PARD3: variants seen among roughly 807,000 people sequenced by gnomAD.
PARD3 encodes partitioning defective 3 homolog.
PARD3 carries 75 observed loss-of-function variants against 155.4 expected under a neutral mutation model. The ratio of observed to expected loss-of-function variants is 0.48; its 90% confidence interval spans 0.40 to 0.58. PARD3 has a LOEUF of 0.58. PARD3 is among the 20% of genes least tolerant of loss of function. The probability of loss-of-function intolerance (pLI) is 0.00; values close to 1 mark genes in which losing one functional copy is unlikely to be tolerated. For missense variants in PARD3, 1,642 were observed against 1,721.7 expected (o/e 0.95, Z 0.82); for synonymous variants, 576 against 610.5 (o/e 0.94, Z 0.83).
intron 1 of PARD3, among the ~76,000 whole-genome samples, chr10:34,720,798 C>CAA (rs377520129): frequency 8.3e-5 from 12 of 144,700 alleles, no homozygotes; most frequent in Middle Eastern, 3.5e-3. Context: ...ACTCTGTCTC[C>CAA]AAAAAAAAAA....
intron 21 of PARD3, among the ~76,000 whole-genome samples, chr10:34,278,715 C>A (rs1956010359): frequency 6.6e-6 from 1 of 152,144 alleles, no homozygotes. Context: ...CCTCCTTAGC[C>A]CTGTGGAACT....
rs78571407 is a variant in PARD3 at position 34,192,816 on chromosome 10, G to A, written c.3420-61233C>T. 2.4e-4 allele frequency among the ~76,000 whole-genome samples: 37 copies of A among 152,184 alleles called. No individual in the cohort carries two copies. In the East Asian group the frequency reaches 6.4e-3, roughly 26 times the overall value. ...AGAACCCATGAAATCCAAGTACCAC[G>A]TGCCATTTCTATGAATGGGATAGAA... is the stretch of plus-strand genomic sequence containing the variant. On this transcript the variant is annotated intron_variant, in intron 22 of 24. Transcript: ENST00000374788.
intron 3 of PARD3, 81 bp downstream of exon 3, chr10:34,516,898 A>T: frequency 7.7e-7 from 1 of 1,290,458 alleles, no homozygotes; most frequent in Non-Finnish European, 1.1e-6. Flanking sequence ...AATTCCATTT[A>T]CAGGGTCATG....
At chr10:34,633,860 G>A (rs1240994137) in intron 2 of PARD3, among the ~76,000 whole-genome samples, 2 of 152,106 alleles carry the variant, frequency 1.3e-5, no homozygotes, top group Non-Finnish European at 2.9e-5. Flanking sequence ...GGGTCTTCTG[G>A]ATAACAGCTA....
intron 22 of PARD3, among the ~76,000 whole-genome samples, chr10:34,154,306 C>A (rs146655414): frequency 6.6e-6 from 1 of 152,260 alleles, no homozygotes; most frequent in African/African-American, 2.4e-5. Flanking sequence ...AATAATACTA[C>A]TAATAATACG....
intron 22 of PARD3, among the ~76,000 whole-genome samples, chr10:34,225,888 G>A (rs977270165): frequency 2.6e-5 from 4 of 152,004 alleles, no homozygotes; most frequent in Admixed American, 2.0e-4. Flanking sequence ...TTGAAAAATT[G>A]GATTCATCGA....
chr10:34,553,726 TTTTTA>T (rs2084776683), intron 2 of PARD3, among the ~76,000 whole-genome samples: 1 of 152,122 alleles, frequency 6.6e-6, no homozygotes, highest in African/African-American at 2.4e-5. Context: ...ATGGTTTGGG[TTTTTA>T]TTTTATTAAC....
At chr10:34,459,001 A>G (rs775676746) in intron 4 of PARD3, among the ~76,000 whole-genome samples, 7 of 152,218 alleles carry the variant, frequency 4.6e-5, no homozygotes, top group Admixed American at 6.5e-5. Flanking sequence ...GGGTTCAATT[A>G]AATCTTGAAG....
At chr10:34,684,026 T>C (rs979050469) in intron 2 of PARD3, among the ~76,000 whole-genome samples, 1 of 152,260 alleles carries the variant, frequency 6.6e-6, no homozygotes, top group Non-Finnish European at 1.5e-5. Context: ...AGTCATCTAG[T>C]TAATGAAGTC....
chr10:34,444,588 C>T (rs10827371), intron 5 of PARD3, among the ~76,000 whole-genome samples: 46,803 of 152,122 alleles, frequency 0.31, 7,468 homozygotes, highest in East Asian at 0.43. Flanking sequence ...CAGCTATGGG[C>T]TATTCTGAAC....
intron 21 of PARD3, among the ~76,000 whole-genome samples, chr10:34,274,219 A>G: frequency 6.6e-6 from 1 of 152,166 alleles, no homozygotes; most frequent in Non-Finnish European, 1.5e-5. Flanking sequence ...AGAAACAGCA[A>G]CTCAAATTCT....
At chr10:34,278,383 G>A (rs1444101275) in intron 21 of PARD3, among the ~76,000 whole-genome samples, 3 of 152,026 alleles carry the variant, frequency 2.0e-5, no homozygotes, top group Non-Finnish European at 2.9e-5. Flanking sequence ...GGATCCCTGA[G>A]AGGGAAAAAA....
At chr10:34,345,011 G>A in intron 15 of PARD3, 1 of 985,116 alleles carries the variant, frequency 1.0e-6, no homozygotes, top group Non-Finnish European at 1.2e-6. Flanking sequence ...AGTCACCATG[G>A]GTGCCAGGAT....
chr10:34,641,075 C>T (rs1004760014), intron 2 of PARD3, among the ~76,000 whole-genome samples: 7 of 152,252 alleles, frequency 4.6e-5, no homozygotes, highest in African/African-American at 1.2e-4. Context: ...GAACAATATA[C>T]ACACAAAAGT....
At position 34,113,206 on chromosome 10, in the gene PARD3, A is replaced by G. The variant is rs1946480126; in HGVS notation, c.3669-1644T>C. 2.0e-5 allele frequency among the ~76,000 whole-genome samples: 3 copies of G among 152,116 alleles called. No homozygotes were observed. In the South Asian group the frequency reaches 6.2e-4, roughly 32 times the overall value. The stretch of plus-strand genomic sequence containing the variant: ...TTCACCTCTTTTTCATCTCTGGCCT[A>G]CTAAGATCCACCAACCCCCTTCCTC... On this transcript the variant is annotated intron_variant, in intron 24 of 24. Coordinates refer to ENST00000374788, the MANE Select transcript of PARD3 (RefSeq NM_001184785.2).
chr10:34,304,113 C>A (rs1449358680), intron 20 of PARD3, among the ~76,000 whole-genome samples: 2 of 151,944 alleles, frequency 1.3e-5, no homozygotes, highest in Non-Finnish European at 2.9e-5. Flanking sequence ...TGGCTGCCAT[C>A]GCACCTACAC....
intron 4 of PARD3, among the ~76,000 whole-genome samples, chr10:34,452,964 C>G (rs1486014756): frequency 1.3e-5 from 2 of 152,194 alleles, no homozygotes; most frequent in Non-Finnish European, 2.9e-5. Flanking sequence ...TCAGGATCAA[C>G]TTGTCTCTTA....
At chr10:34,726,884 C>G (rs1295661837) in intron 1 of PARD3, among the ~76,000 whole-genome samples, 2 of 152,198 alleles carry the variant, frequency 1.3e-5, no homozygotes, top group African/African-American at 2.4e-5. Flanking sequence ...AACTTCTCCT[C>G]TGACCACAGA....
At chr10:34,636,431 C>G (rs1033163584) in intron 2 of PARD3, among the ~76,000 whole-genome samples, 2 of 152,220 alleles carry the variant, frequency 1.3e-5, no homozygotes, top group Non-Finnish European at 2.9e-5. Flanking sequence ...TCACTGGGTG[C>G]CCCCTGTCCA....
Sources: allele counts gnomAD v4.1 joint callset (sites outside exome capture counted in the v4.1 genomes callset), GRCh38; gene constraint gnomAD v4.1.1; transcripts MANE v1.5; gene names NCBI Gene and HGNC (gene_info 2026-07-23, HGNC 2026-07-21).